The following GLRA1 variants were observed in gnomAD, a reference collection of about 807,000 sequenced individuals.
The protein encoded by GLRA1 is glycine receptor alpha 1.
In GLRA1, 37 loss-of-function variants were observed where a neutral mutation model predicts 48.3. The observed-to-expected ratio is 0.77, with a 90% CI of 0.59 to 1.01. The LOEUF (loss-of-function observed/expected upper bound fraction) is 1.01, where lower values mean the gene tolerates loss of function less well. Ranked by LOEUF, GLRA1 falls within the 50% of genes least tolerant of loss-of-function variation. The pLI is 0.00. For missense variants in GLRA1, 427 were observed against 571.0 expected, an observed-to-expected ratio of 0.75 and a Z score of 2.57; for synonymous variants, 196 against 210.7, an observed-to-expected ratio of 0.93 and a Z score of 0.60.
chr5:151,828,387 A>G (rs886809997), intron 8 of GLRA1, among the ~76,000 whole-genome samples: 1 of 152,164 alleles, frequency 6.6e-6, no homozygotes, highest in Admixed American at 6.5e-5. Flanking sequence ...AACTTCTCAG[A>G]GGTGCCCTGT....
intron 3 of GLRA1, among the ~76,000 whole-genome samples, chr5:151,886,347 C>G (rs1484513870): frequency 3.9e-5 from 6 of 152,064 alleles, no homozygotes; most frequent in Admixed American, 3.9e-4. Context: ...TACAATTAAC[C>G]CAATATACCC....
In GLRA1 at chr5:151,849,494, T is replaced by TCC. The variant is rs1375898322; in HGVS notation, c.912+1895_912+1896insGG. ...TTCCTTCCTTCCTTCCTTCCTTCCT[T>TCC]TCTTTTCTTTCTTTCTTTCTTTCTT... On this transcript the variant is annotated intron_variant, in intron 7 of 8. Coordinates refer to ENST00000274576, the MANE Select transcript of GLRA1 (RefSeq NM_000171.4). 4.3e-5 allele frequency among the ~76,000 whole-genome samples: 4 copies of TCC among 92,212 alleles called. No individual in the cohort carries two copies. In the East Asian group the frequency reaches 1.2e-3, roughly 27 times the overall value. 60.5% of individuals were successfully genotyped at this position (92,212 alleles called of 152,430 possible). A position where few individuals can be genotyped will look rare whatever the true frequency, so the allele number is the denominator to read the frequency against.
At chr5:151,850,699 CT>C in intron 7 of GLRA1, 1 of 1,178,882 alleles carries the variant, frequency 8.5e-7, no homozygotes, top group Admixed American at 1.7e-5. Flanking sequence ...ACTGTTGCCC[CT>C]CTGCCACTGC....
rs74801789 is a variant in GLRA1 at position 151,914,100 on chromosome 5, C to T, written c.56+10394G>A. The stretch of plus-strand genomic sequence containing the variant: ...AATAAAGGAAAACAAAATGACAAAC[C>T]AGCAGGTCTATTTTAAGAGTTGATA... On this transcript the variant is annotated intron_variant, in intron 1 of 8. Transcript: ENST00000274576. Among the ~76,000 whole-genome samples, 1,223 of 152,206 alleles carry T rather than the reference C, an allele frequency of 8.0e-3. 19 individuals are homozygous for T. Among genetic ancestry groups the T allele is most frequent in the African/African-American group, 0.028 (1,151 of 41,518 alleles).
At chr5:151,873,785 A>C (rs992718453) in intron 3 of GLRA1, among the ~76,000 whole-genome samples, 26 of 152,286 alleles carry the variant, frequency 1.7e-4, no homozygotes, top group Non-Finnish European at 3.5e-4. Flanking sequence ...TCTGCTCGGA[A>C]CACTCCTTGT....
Position 151,859,857 on chromosome 5 carries a change from T to C in GLRA1, c.404A>G (p.His135Arg). 1 of 1,614,108 alleles carries C rather than the reference T, an allele frequency of 6.2e-7. No homozygotes were observed. Among genetic ancestry groups the C allele is most frequent in the Non-Finnish European group, 8.5e-7 (1 of 1,179,990 alleles). ...GTTGTCTGTGGTGATCTCATGGAAG[T>C]GGGCCCCCTTCTCGTTGGCAAAGAA... Reference protein sequence around the residue: ...DLFFANEKGAHFHEITTDNKL... With the variant: ...DLFFANEKGARFHEITTDNKL... The change falls in exon 4 of 9, where the codon CAC (histidine) becomes CGC (arginine). Residue 135 changes from histidine (H) to arginine (R), a missense_variant. Physicochemically the swap from His to Arg is conservative, Grantham distance 29. Transcript: ENST00000274576.
rs138665941 is a variant in GLRA1, at chr5:151,893,291, T to A, written c.57-853A>T. On this transcript the variant is annotated intron_variant, in intron 1 of 8. Transcript: ENST00000274576. The stretch of plus-strand genomic sequence containing the variant: ...GACCCTCCCTCTGCCCAACTTTCTT[T>A]CTTTCTTTCTTTCTTTCTTTCTTTC... 5.9e-3 allele frequency among the ~76,000 whole-genome samples: 469 copies of A among 79,780 alleles called. 5 individuals are homozygous for A. The highest frequency in any genetic ancestry group is 0.021 in the African/African-American group (428 of 20,056). The allele number at this position is 79,780 out of a possible 152,430, so 52.3% of individuals were successfully genotyped here.
intron 7 of GLRA1, among the ~76,000 whole-genome samples, chr5:151,834,854 C>T (rs1271315887): frequency 4.6e-5 from 7 of 151,678 alleles, no homozygotes; most frequent in South Asian, 2.1e-4. Flanking sequence ...GATGAAACCC[C>T]GTCTCTACTA....
chr5:151,923,634 A>G (rs1011666511), intron 1 of GLRA1, among the ~76,000 whole-genome samples: 1 of 152,216 alleles, frequency 6.6e-6, no homozygotes, highest in Non-Finnish European at 1.5e-5. Context: ...TTCACTTTTC[A>G]CTTCTACTAA....
intron 7 of GLRA1, 64 bp downstream of exon 7, chr5:151,851,325 AG>A: frequency 2.9e-6 from 3 of 1,051,214 alleles, no homozygotes; most frequent in Non-Finnish European, 4.5e-6. Flanking sequence ...TTTTAGGCAG[AG>A]CAAGGAAGTA....
chr5:151,838,408 G>T (rs1340309573), intron 7 of GLRA1, among the ~76,000 whole-genome samples: 1 of 152,150 alleles, frequency 6.6e-6, no homozygotes, highest in African/African-American at 2.4e-5. Context: ...GGCAGAGATT[G>T]TAGTGAGCCG....
At chr5:151,873,552 C>G (rs914833670) in intron 3 of GLRA1, among the ~76,000 whole-genome samples, 2 of 151,474 alleles carry the variant, frequency 1.3e-5, no homozygotes, top group Non-Finnish European at 2.9e-5. Flanking sequence ...CCCAGCTACT[C>G]AGGAGGCTGA....
At chr5:151,893,859 C>T (rs1474774377) in intron 1 of GLRA1, among the ~76,000 whole-genome samples, 5 of 152,112 alleles carry the variant, frequency 3.3e-5, no homozygotes, top group African/African-American at 1.2e-4. Context: ...ATTTATAATC[C>T]TTTGGGTATA....
chr5:151,855,172 A>T lies in GLRA1; in HGVS notation c.565T>A (p.Tyr189Asn). Residue 189 changes from tyrosine to asparagine, a missense_variant, in exon 6 of 9, where the codon TAT becomes AAT. Tyr to Asn is a moderately radical substitution (Grantham distance 143). Around this residue, in one of 4 missense-constraint regions of GLRA1, gnomAD observed 271 missense variants for 434.9 expected, o/e 0.62. Coordinates refer to ENST00000274576, the MANE Select transcript of GLRA1 (RefSeq NM_000171.4). ...TCAAAGATGAGGTCATTCATCGTAT[A>T]TCCAACTGGGATGGGATCAGAAGAA... is the stretch of plus-strand genomic sequence containing the variant. The part of the protein sequence containing the change: ...TCIMQLESFG[Y>N]TMNDLIFEWQ... 6.2e-7 allele frequency: 1 copy of T among 1,614,080 alleles called. No individual in the cohort carries two copies.
At chr5:151,855,367 T>G (rs766453664) in intron 5 of GLRA1, among the ~76,000 whole-genome samples, 190 bp from the exon 6 acceptor site, 30 of 152,202 alleles carry the variant, frequency 2.0e-4, no homozygotes, top group Non-Finnish European at 2.4e-4. Flanking sequence ...ATCAGAGCCC[T>G]TCCACCTCTC....
chr5:151,920,566 G>A (rs1479806480), intron 1 of GLRA1, among the ~76,000 whole-genome samples: 6 of 152,202 alleles, frequency 3.9e-5, no homozygotes, highest in African/African-American at 7.2e-5. Context: ...GAGCCAAATC[G>A]TAACATTTTC....
chr5:151,825,463 A>G (rs1763250090), intron 8 of GLRA1, among the ~76,000 whole-genome samples: 1 of 152,170 alleles, frequency 6.6e-6, no homozygotes, highest in African/African-American at 2.4e-5. Flanking sequence ...CCATCTAGCT[A>G]GAGGATTATC....
intron 7 of GLRA1, among the ~76,000 whole-genome samples, chr5:151,835,345 CA>C (rs1275885545): frequency 2.0e-5 from 3 of 152,134 alleles, no homozygotes; most frequent in African/African-American, 7.2e-5. Flanking sequence ...ACAAGAGGTA[CA>C]AAGAGGAGCT....
chr5:151,886,579 G>A (rs1753912002), intron 3 of GLRA1, 142 bp downstream of exon 3: 8 of 709,902 alleles, frequency 1.1e-5, no homozygotes, highest in South Asian at 7.4e-5. Context: ...AAAGACATCC[G>A]AGCCTCATGG....
Sources: allele counts gnomAD v4.1 joint callset (sites outside exome capture counted in the v4.1 genomes callset), GRCh38; gene constraint gnomAD v4.1.1; regional missense constraint gnomAD v4.1.1; transcripts MANE v1.5; gene names NCBI Gene and HGNC (gene_info 2026-07-23, HGNC 2026-07-21).